FHOD1: variants seen among roughly 807,000 people sequenced by gnomAD.
The protein encoded by FHOD1 is FH1/FH2 domain-containing protein 1.
FHOD1 carries 89 observed loss-of-function variants against 111.6 expected under a neutral mutation model. That is an observed-to-expected ratio of 0.80 (90% CI 0.67 to 0.95). FHOD1 has a LOEUF of 0.95. Ranked by LOEUF, FHOD1 falls within the 40% of genes least tolerant of loss-of-function variation. FHOD1 has a pLI of 0.00. For synonymous variants in FHOD1, 618 were observed against 639.0 expected, an observed-to-expected ratio of 0.97 and a Z score of 0.50; for missense variants, 1,446 against 1,554.2, an observed-to-expected ratio of 0.93 and a Z score of 1.17.
At position 67,240,032 on chromosome 16, in the gene FHOD1, A is replaced by T. The variant is rs1339229046; in HGVS notation, c.202-578T>A. ...CATTAAGCCCCAGAAAGAAAGTGTT[A>T]AGATGGCTGGGAGGTGCAAACCCAC... On this transcript the variant is annotated intron_variant, in intron 1 of 21. Coordinates refer to ENST00000258201, the MANE Select transcript of FHOD1 (RefSeq NM_013241.3). Among the ~76,000 whole-genome samples, 3 of 152,200 alleles carry T rather than the reference A, an allele frequency of 2.0e-5. No homozygotes were observed. The East Asian group carries it at 5.8e-4, about 29-fold the overall frequency.
Position 67,233,710 on chromosome 16 carries a change from C to G in FHOD1, c.1993G>C (p.Ala665Pro). The part of the protein sequence containing the change: ...ASLDPVSVDT[A>P]RLEHLFESRA... ...GACTCAAAGAGGTGTTCCAGTCGGG[C>G]CGTGTCCACTGAGACAGGGTCCAGT... The change falls in exon 13 of 22, where the codon GCC becomes CCC. Residue 665 changes from alanine to proline, a missense_variant. Ala to Pro is a conservative substitution (Grantham distance 27, BLOSUM62 -1). This residue lies in a region of FHOD1 where 1,085 missense variants were observed against 1,108.8 expected (regional missense o/e 0.98). Transcript: ENST00000258201. The G allele has an allele frequency of 6.2e-7, 1 of 1,611,156 alleles. No homozygotes were observed. Among genetic ancestry groups the G allele is most frequent in the Non-Finnish European group, 8.5e-7 (1 of 1,177,720 alleles).
chr16:67,241,114 A>ACCCCCCCCCCCCCCCCCCCCCC (rs1186229148), intron 1 of FHOD1, among the ~76,000 whole-genome samples: 1 of 83,316 alleles, frequency 1.2e-5, no homozygotes, highest in Non-Finnish European at 2.2e-5. Context: ...CCCTTGGATG[A>ACCCCCCCCCCCCCCCCCCCCCC]CCCCCCCCCC....
In FHOD1 at chr16:67,231,179, G is replaced by A; in HGVS notation, c.2667+9C>T. 6.2e-7 allele frequency: 1 copy of A among 1,613,830 alleles called. No homozygotes were observed. ...TGTCCGGCCTTGGTTGATTCTGGCA[G>A]GTGCTAACCTTGGCACAGCGGGTCA... On this transcript the variant is annotated intron_variant, in intron 17 of 21. Coordinates refer to ENST00000258201, the MANE Select transcript of FHOD1 (RefSeq NM_013241.3). The surrounding 1 kb of genome is among the most constrained non-coding windows in gnomAD (Gnocchi z 4.3).
Position 67,230,202 on chromosome 16 carries a change from C to G in FHOD1, c.3078G>C (p.Gly1026=). The change falls in exon 20 of 22, where the codon GGG becomes GGC. Residue 1026 remains glycine, a synonymous_variant. Coordinates refer to ENST00000258201, the MANE Select transcript of FHOD1 (RefSeq NM_013241.3). ...GGACAGAGGGGTTGCTGGGGGCTTC[C>G]CCAGCCACACCTGAGAACTTCTCTG... ...TETEKFSGVA[G]EAPSNPSVPV... 6.2e-7 allele frequency: 1 copy of G among 1,614,000 alleles called. No homozygotes were observed. The highest frequency in any genetic ancestry group is 8.5e-7 in the Non-Finnish European group (1 of 1,179,902).
chr16:67,239,086 G>T, intron 2 of FHOD1, 119 bp from the exon 3 acceptor site: 1 of 983,196 alleles, frequency 1.0e-6, no homozygotes, highest in Non-Finnish European at 1.6e-6. Context: ...CCTCCCAGCT[G>T]CTCCTCCAAG....
At chr16:67,236,881 GA>G in intron 10 of FHOD1, 84 bp downstream of exon 10, 2 of 1,496,094 alleles carry the variant, frequency 1.3e-6, no homozygotes, top group Admixed American at 4.5e-5. Flanking sequence ...GGCGGGGCCT[GA>G]GGGGGTTGGG....
At chr16:67,246,788 G>A in intron 1 of FHOD1, 1 of 192,244 alleles carries the variant, frequency 5.2e-6, no homozygotes, top group Non-Finnish European at 1.1e-5. Flanking sequence ...CTAGTAGTCC[G>A]CCTCGGGCCC....
rs748175134 is a variant in FHOD1, at chr16:67,247,324, G to A, written c.87C>T (p.Phe29=). 2 of 1,613,662 alleles carry A rather than the reference G, an allele frequency of 1.2e-6. No individual in the cohort carries two copies. The highest frequency in any genetic ancestry group is 1.7e-6 in the Non-Finnish European group (2 of 1,179,826). ...RVQYLEDTDP[F]ACANFPEPRR... ...GCGGCTCCGGAAAGTTGGCACATGC[G>A]AAGGGGTCGGTGTCTTCCAGGTACT... The change falls in exon 1 of 22, where the codon TTC becomes TTT. Residue 29 remains phenylalanine, a synonymous_variant. Transcript: ENST00000258201.
At chr16:67,239,662 T>C (rs2034611419) in intron 1 of FHOD1, among the ~76,000 whole-genome samples, 1 of 152,206 alleles carries the variant, frequency 6.6e-6, no homozygotes, top group Admixed American at 6.5e-5. Context: ...TGGCCTTTGT[T>C]TGTACCATCT....
At chr16:67,236,897 G>A in intron 10 of FHOD1, 69 bp downstream of exon 10, 1 of 1,522,724 alleles carries the variant, frequency 6.6e-7, no homozygotes, top group Non-Finnish European at 8.8e-7. Context: ...GTTGGGGTCA[G>A]GGCCTGTCAG....
rs2034246393 is a variant in FHOD1, at chr16:67,231,015, G to T, written c.2667+173C>A. On this transcript the variant is annotated intron_variant, in intron 17 of 21. Coordinates refer to ENST00000258201, the MANE Select transcript of FHOD1 (RefSeq NM_013241.3). The surrounding 1 kb of genome is among the most constrained non-coding windows in gnomAD (Gnocchi z 4.3). Reference sequence around the variant, plus strand: ...ACAGACCCAAAGACTGAGTAGGTGTGGCCAGGCCAATAGAGGAAAGAGCAT... The same window carrying T: ...ACAGACCCAAAGACTGAGTAGGTGTTGCCAGGCCAATAGAGGAAAGAGCAT... The T allele has an allele frequency of 1.1e-6, 1 of 927,124 alleles. No homozygotes were observed. 57.4% of individuals were successfully genotyped at this position (927,124 alleles called of 1,614,324 possible). A position where few individuals can be genotyped will look rare whatever the true frequency, so the allele number is the denominator to read the frequency against.
chr16:67,233,179 C>T (rs1410360178), intron 13 of FHOD1, among the ~76,000 whole-genome samples: 1 of 151,750 alleles, frequency 6.6e-6, no homozygotes, highest in Admixed American at 6.6e-5. Context: ...CTCTACCTCC[C>T]GGGTTCAAGT....
rs747448000 is a variant in FHOD1, at chr16:67,231,147, C to T, written c.2667+41G>A. ...GCCAGGCCCAGGAAGCAGCGCTCCT[C>T]ATGCCTTGTCCGGCCTTGGTTGATT... On this transcript the variant is annotated intron_variant, in intron 17 of 21. Coordinates refer to ENST00000258201, the MANE Select transcript of FHOD1 (RefSeq NM_013241.3). The surrounding 1 kb of genome is among the most constrained non-coding windows in gnomAD (Gnocchi z 4.3). The T allele has an allele frequency of 1.1e-5, 17 of 1,609,140 alleles. 1 individual carries two copies. In the Admixed American group the frequency reaches 2.8e-4, roughly 27 times the overall value.
chr16:67,234,641 C>T (rs1053712210), intron 11 of FHOD1, 169 bp from the exon 12 acceptor site: 19 of 584,412 alleles, frequency 3.3e-5, no homozygotes, highest in Non-Finnish European at 1.8e-5. Context: ...GCCAGCCCCT[C>T]TTCAGTCCTC....
At chr16:67,243,500 C>T (rs989737268) in intron 1 of FHOD1, among the ~76,000 whole-genome samples, 3 of 152,126 alleles carry the variant, frequency 2.0e-5, no homozygotes, top group Admixed American at 1.3e-4. Flanking sequence ...AGGCATGAGC[C>T]ACCATGCCCA....
intron 13 of FHOD1, 146 bp from the exon 14 acceptor site, chr16:67,232,340 AC>A: frequency 1.4e-6 from 1 of 702,040 alleles, no homozygotes; most frequent in Non-Finnish European, 2.3e-6. Flanking sequence ...ACATGGTGAA[AC>A]CCCATCTCTA....
chr16:67,236,254 C>T (rs1158744902), intron 11 of FHOD1, among the ~76,000 whole-genome samples: 2 of 152,062 alleles, frequency 1.3e-5, no homozygotes, highest in Admixed American at 1.3e-4. Context: ...GGACAGGGTG[C>T]TGGAAGAGAC....
In FHOD1 at chr16:67,231,116, G is replaced by C. The variant is rs1022098731; in HGVS notation, c.2667+72C>G. 12 of 1,567,486 alleles carry C rather than the reference G, an allele frequency of 7.7e-6. No homozygotes were observed. The Admixed American group carries it at 1.7e-4, about 23-fold the overall frequency. ...ACAGCAGCCCAAATGGGGAGAAGGG[G>C]GAGGAGCCAGGCCCAGGAAGCAGCG... On this transcript the variant is annotated intron_variant, in intron 17 of 21. Transcript: ENST00000258201. The surrounding 1 kb of genome is among the most constrained non-coding windows in gnomAD (Gnocchi z 4.3).
At position 67,230,206 on chromosome 16, in the gene FHOD1, G is replaced by T. The variant is rs752564255; in HGVS notation, c.3074C>A (p.Ala1025Asp). 6.2e-7 allele frequency: 1 copy of T among 1,614,022 alleles called. No individual in the cohort carries two copies. Among genetic ancestry groups the T allele is most frequent in the South Asian group, 1.1e-5 (1 of 91,084 alleles). The change falls in exon 20 of 22, where the codon GCT (alanine) becomes GAT (aspartate). Residue 1025 changes from alanine to aspartate, a missense_variant. Around this residue, in one of 3 missense-constraint regions of FHOD1, gnomAD observed 1,085 missense variants for 1,108.8 expected, o/e 0.98. Transcript: ENST00000258201. ...ITETEKFSGVAGEAPSNPSVP... is the reference protein window; with the variant it reads ...ITETEKFSGVDGEAPSNPSVP... ...AGAGGGGTTGCTGGGGGCTTCCCCAGCCACACCTGAGAACTTCTCTGTCTG... is the reference window on the plus strand; with the variant it reads ...AGAGGGGTTGCTGGGGGCTTCCCCATCCACACCTGAGAACTTCTCTGTCTG...
Sources: gnomAD v4.1 joint callset for allele counts (sites outside exome capture counted in the v4.1 genomes callset) on GRCh38, gnomAD v4.1.1 for gene constraint, gnomAD v4.1.1 regional missense constraint, Gnocchi (gnomAD v3.1) non-coding constraint, MANE v1.5 for transcripts, NCBI Gene and HGNC (gene_info 2026-07-23, HGNC 2026-07-21) for gene names.